RORB: variants seen among roughly 807,000 people sequenced by gnomAD.
RORB encodes RAR related orphan receptor B.
In RORB, 6 loss-of-function variants were observed where a neutral mutation model predicts 59.1. That is an observed-to-expected ratio of 0.10 (90% CI 0.06 to 0.20). RORB has a LOEUF of 0.20. Among genes scored for constraint, RORB ranks in the 10% least tolerant of loss-of-function variants. RORB has a pLI of 1.00. For synonymous variants in RORB, 215 were observed against 204.5 expected, an observed-to-expected ratio of 1.05 and a Z score of -0.44; for missense variants, 320 against 560.5, an observed-to-expected ratio of 0.57 and a Z score of 4.33.
At chr9:74,603,897 T>G (rs185682595) in intron 1 of RORB, among the ~76,000 whole-genome samples, 12 of 152,308 alleles carry the variant, frequency 7.9e-5, no homozygotes, top group African/African-American at 2.9e-4. Flanking sequence ...CTTGCTTAAG[T>G]GTGCTGTAAT....
rs1430686933 is a variant in RORB, at chr9:74,689,046, C to T, written c.*3428C>T. On this transcript the variant is annotated 3_prime_UTR_variant, in exon 10 of 10. Coordinates refer to ENST00000376896, the MANE Select transcript of RORB (RefSeq NM_006914.4). ...AGGATTCCAAATCTGGTTTGACACC[C>T]GTATATGCCCGTACTGTCCATGACT... 2.6e-5 allele frequency: 4 copies of T among 152,162 alleles called. No homozygotes were observed. The highest frequency in any genetic ancestry group is 4.8e-5 in the African/African-American group (2 of 41,432). 9.4% of individuals were successfully genotyped at this position (152,162 alleles called of 1,614,324 possible). A position where few individuals can be genotyped will look rare whatever the true frequency, so the allele number is the denominator to read the frequency against.
intron 5 of RORB, among the ~76,000 whole-genome samples, chr9:74,661,940 C>G (rs7043312): frequency 6.6e-6 from 1 of 151,774 alleles, no homozygotes; most frequent in Non-Finnish European, 1.5e-5. Flanking sequence ...CCACCGCGCC[C>G]GGCCTCGGAA....
chr9:74,534,162 C>T (rs116808926), intron 1 of RORB, among the ~76,000 whole-genome samples: 2,452 of 152,036 alleles, frequency 0.016, 65 homozygotes, highest in African/African-American at 0.056. Context: ...GGTTCATATA[C>T]GGATAAAAAT....
chr9:74,501,717 G>A (rs1413984454), intron 1 of RORB, among the ~76,000 whole-genome samples: 1 of 151,862 alleles, frequency 6.6e-6, no homozygotes, highest in Non-Finnish European at 1.5e-5. Flanking sequence ...CAGCATCATG[G>A]GTGAGTTTGT....
At chr9:74,550,273 T>C (rs1487773103) in intron 1 of RORB, among the ~76,000 whole-genome samples, 1 of 152,180 alleles carries the variant, frequency 6.6e-6, no homozygotes, top group Admixed American at 6.5e-5. Flanking sequence ...CACTTGCAAA[T>C]ACCAATCTAG....
chr9:74,557,103 G>T (rs929281868), intron 1 of RORB, among the ~76,000 whole-genome samples: 1 of 151,978 alleles, frequency 6.6e-6, no homozygotes, highest in Admixed American at 6.6e-5. Flanking sequence ...CATAAGACAC[G>T]GGTGAAGTTG....
chr9:74,588,844 A>C (rs567316235), intron 1 of RORB, among the ~76,000 whole-genome samples: 15 of 152,262 alleles, frequency 9.9e-5, no homozygotes, highest in African/African-American at 3.1e-4. Context: ...TGAGGAAAAC[A>C]GTTGTATATT....
rs573233356 is a variant in RORB at position 74,642,607 on chromosome 9, C to T, written c.429C>T (p.Asn143=). 8 of 1,614,178 alleles carry T rather than the reference C, an allele frequency of 5.0e-6. No individual in the cohort carries two copies. The highest frequency in any genetic ancestry group is 2.2e-5 in the East Asian group (1 of 44,880). Reference sequence around the variant, plus strand: ...ACGAGACCAGCGGCACTTATGCCAACGGGCACGTCATTGACCTGCCCAAGT... The same window carrying T: ...ACGAGACCAGCGGCACTTATGCCAATGGGCACGTCATTGACCTGCCCAAGT... ...LNNETSGTYA[N]GHVIDLPKSE... The change falls in exon 4 of 10, where the codon AAC becomes AAT. Residue 143 remains asparagine (N), a synonymous_variant. Transcript: ENST00000376896.
chr9:74,595,883 T>G (rs1470232340), intron 1 of RORB, among the ~76,000 whole-genome samples: 2 of 152,188 alleles, frequency 1.3e-5, no homozygotes, highest in African/African-American at 4.8e-5. Context: ...GTTGGGCTCC[T>G]CAGATGTCCC....
intron 1 of RORB, among the ~76,000 whole-genome samples, chr9:74,606,044 G>C (rs1052998532): frequency 1.3e-5 from 2 of 152,122 alleles, no homozygotes; most frequent in East Asian, 3.9e-4. Flanking sequence ...TCCATTCCTA[G>C]CCCTGCTGTG....
intron 1 of RORB, among the ~76,000 whole-genome samples, chr9:74,604,673 C>A (rs867018984): frequency 4.8e-4 from 73 of 152,216 alleles, no homozygotes; most frequent in African/African-American, 1.7e-3. Context: ...GCAATTATTT[C>A]TACTTGGCAA....
chr9:74,588,522 T>C (rs1461438546), intron 1 of RORB, among the ~76,000 whole-genome samples: 1 of 152,192 alleles, frequency 6.6e-6, no homozygotes, highest in Admixed American at 6.5e-5. Context: ...TAAGTCTACC[T>C]CTCATCCTAA....
At chr9:74,499,754 G>T (rs1191729384) in intron 1 of RORB, among the ~76,000 whole-genome samples, 1 of 152,006 alleles carries the variant, frequency 6.6e-6, no homozygotes, top group Non-Finnish European at 1.5e-5. Flanking sequence ...CATTCTTTCG[G>T]TTTCCCCCGT....
At position 74,638,959 on chromosome 9, in the gene RORB, C is replaced by A. The variant is rs529885072; in HGVS notation, c.236-3455C>A. 1.7e-3 allele frequency among the ~76,000 whole-genome samples: 257 copies of A among 152,298 alleles called. 1 individual carries two copies. The highest frequency in any genetic ancestry group is 2.7e-3 in the Non-Finnish European group (186 of 68,026). On this transcript the variant is annotated intron_variant, in intron 3 of 9. Coordinates refer to ENST00000376896, the MANE Select transcript of RORB (RefSeq NM_006914.4). ...TGGAAATATTTCAGTTGCTCAGTGA[C>A]CTGATAAGTCAATTTTGTAAAAAAT...
In RORB at chr9:74,692,981, A is replaced by T. The variant is rs1301615270; in HGVS notation, c.*7363A>T. On this transcript the variant is annotated 3_prime_UTR_variant, in exon 10 of 10. Coordinates refer to ENST00000376896, the MANE Select transcript of RORB (RefSeq NM_006914.4). ...ATAAAACAGCACTCCCTAACAATTA[A>T]AAAAGAGTTTTATATTACTTTAGAA... is the stretch of plus-strand genomic sequence containing the variant. The T allele has an allele frequency of 6.6e-6, 1 of 152,174 alleles. No homozygotes were observed. The highest frequency in any genetic ancestry group is 1.5e-5 in the Non-Finnish European group (1 of 68,038). 9.4% of individuals were successfully genotyped at this position (152,174 alleles called of 1,614,324 possible).
intron 3 of RORB, among the ~76,000 whole-genome samples, chr9:74,638,081 A>G (rs191917946): frequency 6.6e-6 from 1 of 152,310 alleles, no homozygotes. Flanking sequence ...CTGAAGCTGA[A>G]AAGAGTTAAA....
chr9:74,552,956 G>C (rs1235412561), intron 1 of RORB, among the ~76,000 whole-genome samples: 1 of 152,186 alleles, frequency 6.6e-6, no homozygotes, highest in Non-Finnish European at 1.5e-5. Context: ...GGTGTTTTTG[G>C]TGGAAAGACC....
chr9:74,677,795 C>T (rs72614687), intron 9 of RORB, among the ~76,000 whole-genome samples: 8,981 of 152,262 alleles, frequency 0.059, 483 homozygotes, highest in East Asian at 0.29. Flanking sequence ...ATTAATACAA[C>T]ATCATAGCCA....
intron 1 of RORB, among the ~76,000 whole-genome samples, chr9:74,627,022 C>G (rs1823530893): frequency 6.6e-6 from 1 of 152,028 alleles, no homozygotes; most frequent in African/African-American, 2.4e-5. Context: ...ATTAGCTGGG[C>G]ATGGTGGCAC....
Sources: allele counts gnomAD v4.1 joint callset (sites outside exome capture counted in the v4.1 genomes callset), GRCh38; gene constraint gnomAD v4.1.1; transcripts MANE v1.5; gene names NCBI Gene and HGNC (gene_info 2026-07-23, HGNC 2026-07-21).